Variants in HK1 observed in about 807,000 individuals in gnomAD.
HK1 encodes hexokinase-1.
Under a neutral mutation model 91.6 loss-of-function variants are expected in HK1, and 28 were observed. The ratio of observed to expected loss-of-function variants is 0.31; its 90% CI spans 0.23 to 0.42. HK1 has a LOEUF of 0.42. Among genes scored for constraint, HK1 ranks in the 10% least tolerant of loss-of-function variants. The pLI is 1.00. For missense variants in HK1, 770 were observed against 1,219.8 expected, an observed-to-expected ratio of 0.63 and a Z score of 5.49; for synonymous variants, 430 against 468.1, an observed-to-expected ratio of 0.92 and a Z score of 1.05.
intron 4 of HK1, chr10:69,300,745 C>T: frequency 7.4e-7 from 1 of 1,345,142 alleles, no homozygotes; most frequent in South Asian, 1.2e-5. Flanking sequence ...GGCCTAAGAA[C>T]CTGGTGTTTG....
intron 1 of HK1, among the ~76,000 whole-genome samples, chr10:69,327,707 T>C (rs930702649): frequency 3.3e-5 from 5 of 152,250 alleles, no homozygotes; most frequent in African/African-American, 1.2e-4. Flanking sequence ...GCAGGTTGCC[T>C]TTGTTCCACA....
intron 5 of HK1, among the ~76,000 whole-genome samples, chr10:69,309,317 A>G (rs1191728336): frequency 5.3e-5 from 8 of 149,956 alleles, no homozygotes; most frequent in African/African-American, 1.7e-4. Context: ...CAGTAGCTGG[A>G]ACTACAGGCA....
intron 1 of HK1, among the ~76,000 whole-genome samples, chr10:69,281,109 T>C (rs1395310499): frequency 6.6e-6 from 1 of 152,186 alleles, no homozygotes; most frequent in East Asian, 1.9e-4. Flanking sequence ...GTACTTTTAA[T>C]GAGTGAATCC....
chr10:69,276,118 A>AAAAATATATATATAT lies in HK1; in HGVS notation c.-391+6011_-391+6012insAAATATATATATATA. On this transcript the variant is annotated intron_variant, in intron 1 of 21. Coordinates refer to the HK1 transcript ENST00000360289. The stretch of plus-strand genomic sequence containing the variant: ...AAAAAAAAAAAAAAAAAAAAAAAAA[A>AAAAATATATATATAT]ATACATATATATATATATATACACA... 9.7e-4 allele frequency among the ~76,000 whole-genome samples: 37 copies of AAAAATATATATATAT among 38,268 alleles called. 5 individuals carry two copies. Among genetic ancestry groups the AAAAATATATATATAT allele is most frequent in the South Asian group, 1.6e-3 (1 of 644 alleles). 25.1% of individuals were successfully genotyped at this position (38,268 alleles called of 152,430 possible). A position where few individuals can be genotyped will look rare whatever the true frequency, so the allele number is the denominator to read the frequency against.
At chr10:69,318,371 C>A, upstream of HK1, 1 of 325,896 alleles carries the variant, frequency 3.1e-6, no homozygotes, top group African/African-American at 2.2e-5. Context: ...CGGCGTCCAC[C>A]GGACTCCTAG....
intron 1 of HK1, chr10:69,338,461 T>A: frequency 7.8e-7 from 1 of 1,274,566 alleles, no homozygotes; most frequent in Non-Finnish European, 1.0e-6. Flanking sequence ...GGCCTGGGTT[T>A]CTGTCATGAC....
In HK1 at chr10:69,275,204, A is replaced by T. The variant is rs957441313; in HGVS notation, c.-391+5096A>T. Among the ~76,000 whole-genome samples, 4 of 96,516 alleles carry T rather than the reference A, an allele frequency of 4.1e-5. No individual in the cohort carries two copies. The Admixed American group carries it at 4.6e-4, about 11-fold the overall frequency. 63.3% of individuals were successfully genotyped at this position (96,516 alleles called of 152,430 possible). On this transcript the variant is annotated intron_variant, in intron 1 of 21. Coordinates refer to the HK1 transcript ENST00000360289. ...TGTCTTATTTTATTCATGAGTTATT[A>T]AAAAAAAAAAACCAAAAAACAAAAA...
At chr10:69,309,982 G>A (rs899505767) in intron 5 of HK1, among the ~76,000 whole-genome samples, 1 of 149,110 alleles carries the variant, frequency 6.7e-6, no homozygotes, top group Non-Finnish European at 1.5e-5. Flanking sequence ...CCCGGGAGGC[G>A]GAGGTCACAG....
At chr10:69,348,985 C>T (rs1848705191) in intron 2 of HK1, among the ~76,000 whole-genome samples, 1 of 152,094 alleles carries the variant, frequency 6.6e-6, no homozygotes, top group Non-Finnish European at 1.5e-5. Context: ...GGAGAATTGC[C>T]AGTAGCCCTT....
rs371194258 is a variant in HK1 at position 69,401,015 on chromosome 10, G to A, written c.2634G>A (p.Thr878=). Residue 878 remains threonine (T), a synonymous_variant, in exon 18 of 18, where the codon ACG becomes ACA. Transcript: ENST00000359426. The stretch of plus-strand genomic sequence containing the variant: ...GCTTCTCCAGAATCATGCACCAGAC[G>A]GTGAAGGAACTGTCACCAAAATGTA... The part of the protein sequence containing the change: ...HPHFSRIMHQ[T]VKELSPKCNV... 7.4e-5 allele frequency: 120 copies of A among 1,614,190 alleles called. No homozygotes were observed. Among genetic ancestry groups the A allele is most frequent in the South Asian group, 7.2e-4 (66 of 91,082 alleles).
chr10:69,297,787 T>C (rs187264451), intron 4 of HK1, among the ~76,000 whole-genome samples: 3 of 150,826 alleles, frequency 2.0e-5, no homozygotes, highest in Admixed American at 2.0e-4. Context: ...TCCCAACTAC[T>C]TGGGAGGCTG....
chr10:69,338,233 G>T, intron 1 of HK1: 1 of 1,124,028 alleles, frequency 8.9e-7, no homozygotes, highest in Non-Finnish European at 1.1e-6. Context: ...AGCCGGTCTG[G>T]CTACCCTCAT....
At chr10:69,375,273 A>G (rs946502754) in intron 7 of HK1, among the ~76,000 whole-genome samples, 12 of 152,230 alleles carry the variant, frequency 7.9e-5, no homozygotes, top group Non-Finnish European at 1.5e-4. Context: ...TATCTGACCT[A>G]TATTAACCCA....
rs77616979 is a variant in HK1, at chr10:69,384,059, A to T, written c.1571-274A>T. Among the ~76,000 whole-genome samples, 957 of 152,246 alleles carry T rather than the reference A, an allele frequency of 6.3e-3. 8 individuals are homozygous for T. The highest frequency in any genetic ancestry group is 0.023 in the African/African-American group (935 of 41,534). Reference sequence around the variant, plus strand: ...CATAAATTATTATTTTTTGTAGGAGATTTTCATTGTTGCAGCCCTGGTGAA... The same window carrying T: ...CATAAATTATTATTTTTTGTAGGAGTTTTTCATTGTTGCAGCCCTGGTGAA... On this transcript the variant is annotated intron_variant, in intron 10 of 17. Transcript: ENST00000359426.
intron 1 of HK1, among the ~76,000 whole-genome samples, chr10:69,273,117 G>A (rs572368576): frequency 1.2e-3 from 171 of 146,140 alleles, no homozygotes; most frequent in Non-Finnish European, 2.1e-3. Context: ...TGAAATTTCC[G>A]CCTCTTGGGT....
intron 2 of HK1, among the ~76,000 whole-genome samples, chr10:69,285,904 C>T (rs930542634): frequency 6.6e-6 from 1 of 152,208 alleles, no homozygotes; most frequent in African/African-American, 2.4e-5. Flanking sequence ...GGTTCCTTCC[C>T]CTCCTCCTAC....
At chr10:69,307,742 T>C (rs1846170223) in intron 5 of HK1, among the ~76,000 whole-genome samples, 1 of 152,234 alleles carries the variant, frequency 6.6e-6, no homozygotes. Flanking sequence ...CAATGGTGTA[T>C]AGTAAGTTCT....
At chr10:69,289,028 C>A (rs1429813289) in intron 3 of HK1, among the ~76,000 whole-genome samples, 1 of 152,078 alleles carries the variant, frequency 6.6e-6, no homozygotes, top group African/African-American at 2.4e-5. Flanking sequence ...TCAGGTGATC[C>A]GCCCACCTCG....
chr10:69,370,747 C>A (rs1368221411), intron 7 of HK1, among the ~76,000 whole-genome samples: 1 of 152,138 alleles, frequency 6.6e-6, no homozygotes, highest in Non-Finnish European at 1.5e-5. Flanking sequence ...TCCATTCTTA[C>A]TATGGCAATC....
Sources: gnomAD v4.1 joint callset for allele counts (sites outside exome capture counted in the v4.1 genomes callset) on GRCh38, gnomAD v4.1.1 for gene constraint, MANE v1.5 for transcripts, NCBI Gene and HGNC (gene_info 2026-07-23, HGNC 2026-07-21) for gene names.